The following PLB1 variants were observed in gnomAD, a reference collection of about 807,000 sequenced individuals.
The protein encoded by PLB1 is phospholipase B1, membrane-associated.
Under a neutral mutation model 227.4 loss-of-function variants are expected in PLB1, and 242 were observed. The observed-to-expected ratio is 1.06, with a 90% confidence interval of 0.96 to 1.18. The LOEUF is 1.18. Ranked by LOEUF, PLB1 falls within the 50% of genes most tolerant of loss-of-function variation. The pLI is 0.00. For missense variants in PLB1, 1,858 were observed against 1,816.3 expected, an observed-to-expected ratio of 1.02 and a Z score of -0.42; for synonymous variants, 757 against 682.2, an observed-to-expected ratio of 1.11 and a Z score of -1.71.
intron 35 of PLB1, among the ~76,000 whole-genome samples, chr2:28,599,537 C>T (rs559633468): frequency 6.6e-6 from 1 of 151,430 alleles, no homozygotes; most frequent in South Asian, 2.1e-4. Flanking sequence ...ATGGATCCAT[C>T]CCACCCAGGT....
At chr2:28,619,873 A>C (rs549789996) in intron 46 of PLB1, among the ~76,000 whole-genome samples, 2 of 152,266 alleles carry the variant, frequency 1.3e-5, no homozygotes, top group Admixed American at 6.5e-5. Flanking sequence ...TTGAAGGGTC[A>C]GGGCTGGGGT....
rs536476788 is a variant in PLB1, at chr2:28,554,489, C to CTTTT, written c.1147+1524_1147+1527dup. 1.8e-3 allele frequency among the ~76,000 whole-genome samples: 150 copies of CTTTT among 85,434 alleles called. 18 individuals carry two copies. The highest frequency in any genetic ancestry group is 6.1e-3 in the African/African-American group (114 of 18,736). 56.0% of individuals were successfully genotyped at this position (85,434 alleles called of 152,430 possible). On this transcript the variant is annotated intron_variant, in intron 17 of 57. Coordinates refer to ENST00000327757, the MANE Select transcript of PLB1 (RefSeq NM_153021.5). ...CTACAGGCATTATCACCACACCTGC[C>CTTTT]TTTTTTTTTTTTTTTTTTTTTTTTT...
chr2:28,568,009 A>G (rs1169632909), intron 20 of PLB1, among the ~76,000 whole-genome samples: 1 of 152,138 alleles, frequency 6.6e-6, no homozygotes, highest in Non-Finnish European at 1.5e-5. Flanking sequence ...TGAAGCCACC[A>G]AGATTTGGAT....
intron 43 of PLB1, among the ~76,000 whole-genome samples, chr2:28,611,271 T>C (rs1465848952): frequency 6.6e-6 from 1 of 152,086 alleles, no homozygotes; most frequent in Non-Finnish European, 1.5e-5. Context: ...CTGTAGATCT[T>C]GTGATCAAAT....
chr2:28,498,301 G>A (rs1457262617), intron 1 of PLB1, among the ~76,000 whole-genome samples: 1 of 151,604 alleles, frequency 6.6e-6, no homozygotes, highest in African/African-American at 2.4e-5. Flanking sequence ...ATGGCTTATT[G>A]TAGCTTCAAC....
At chr2:28,548,777 C>CT in intron 14 of PLB1, 83 bp from the exon 15 acceptor site, 7 of 1,326,386 alleles carry the variant, frequency 5.3e-6, no homozygotes, top group Non-Finnish European at 7.6e-6. Flanking sequence ...TGCTGCTGGA[C>CT]TAATGAGTCT....
At chr2:28,518,022 C>T (rs914467148) in intron 2 of PLB1, among the ~76,000 whole-genome samples, 10 of 151,968 alleles carry the variant, frequency 6.6e-5, no homozygotes, top group African/African-American at 9.7e-5. Flanking sequence ...TACAGGCACA[C>T]GCCACCACTA....
At chr2:28,583,325 A>T (rs963992899) in intron 25 of PLB1, among the ~76,000 whole-genome samples, 1 of 151,982 alleles carries the variant, frequency 6.6e-6, no homozygotes, top group African/African-American at 2.4e-5. Context: ...AGCTGGGATT[A>T]CAGGCACACC....
At chr2:28,600,201 G>A (rs1165247704) in intron 35 of PLB1, among the ~76,000 whole-genome samples, 4 of 152,154 alleles carry the variant, frequency 2.6e-5, no homozygotes, top group African/African-American at 4.8e-5. Context: ...TGAGCCACCA[G>A]GCCTGCCACC....
At chr2:28,586,222 C>A (rs1343584486) in intron 26 of PLB1, among the ~76,000 whole-genome samples, 1 of 152,204 alleles carries the variant, frequency 6.6e-6, no homozygotes, top group African/African-American at 2.4e-5. Context: ...CTTCTCTGAA[C>A]TTCCAGCTCC....
intron 23 of PLB1, among the ~76,000 whole-genome samples, chr2:28,580,030 C>A (rs1240379910): frequency 2.6e-5 from 4 of 152,218 alleles, no homozygotes; most frequent in Non-Finnish European, 5.9e-5. Flanking sequence ...CAGGTTAGCT[C>A]CCTTCCCCAG....
At chr2:28,520,935 A>AT (rs1669448069) in intron 4 of PLB1, among the ~76,000 whole-genome samples, 2 of 152,312 alleles carry the variant, frequency 1.3e-5, no homozygotes, top group Admixed American at 6.5e-5. Context: ...AGATCATGCC[A>AT]TTGCACTCCG....
intron 20 of PLB1, among the ~76,000 whole-genome samples, chr2:28,567,507 CTG>C (rs1381102939): frequency 7.7e-6 from 1 of 129,714 alleles, no homozygotes; most frequent in African/African-American, 3.1e-5. Flanking sequence ...GAGTCTCACT[CTG>C]TTGCCAGGCT....
At chr2:28,557,178 A>C (rs899289107) in intron 17 of PLB1, among the ~76,000 whole-genome samples, 1 of 152,154 alleles carries the variant, frequency 6.6e-6, no homozygotes, top group Non-Finnish European at 1.5e-5. Context: ...CACTTAGAGA[A>C]GTGTTTCCCT....
intron 17 of PLB1, among the ~76,000 whole-genome samples, chr2:28,562,033 C>T (rs1168058460): frequency 6.6e-6 from 1 of 151,920 alleles, no homozygotes; most frequent in East Asian, 1.9e-4. Flanking sequence ...TAGATAAATC[C>T]ATAGAGGCAG....
chr2:28,505,972 G>A (rs907700736), intron 1 of PLB1, among the ~76,000 whole-genome samples: 4 of 152,186 alleles, frequency 2.6e-5, no homozygotes, highest in African/African-American at 7.2e-5. Context: ...TGGACACTGA[G>A]CACAGGTATG....
At chr2:28,533,199 G>A (rs1004844395) in intron 9 of PLB1, among the ~76,000 whole-genome samples, 4 of 152,136 alleles carry the variant, frequency 2.6e-5, no homozygotes, top group Admixed American at 6.5e-5. Flanking sequence ...CAGGCTCACC[G>A]TCAGAACTCC....
chr2:28,504,439 T>TA (rs1436742142), intron 1 of PLB1, among the ~76,000 whole-genome samples: 25 of 152,270 alleles, frequency 1.6e-4, no homozygotes, highest in Admixed American at 4.6e-4. Context: ...TGTCTTATTT[T>TA]AAAAAACATA....
chr2:28,633,365 C>A (rs1462915291), intron 56 of PLB1: 1 of 290,294 alleles, frequency 3.4e-6, no homozygotes, highest in Non-Finnish European at 6.5e-6. Context: ...TACTGTGTGA[C>A]CTTGGGCAAA....
Sources: gnomAD v4.1 joint callset for allele counts (sites outside exome capture counted in the v4.1 genomes callset) on GRCh38, gnomAD v4.1.1 for gene constraint, MANE v1.5 for transcripts, NCBI Gene and HGNC (gene_info 2026-07-23, HGNC 2026-07-21) for gene names.